Variants in CCDC63 observed in about 807,000 individuals in gnomAD.
CCDC63 encodes the protein coiled-coil domain-containing protein 63.
A neutral mutation model predicts 63.6 loss-of-function variants in CCDC63; 54 were observed. The ratio of observed to expected loss-of-function variants is 0.85; its 90% CI spans 0.68 to 1.07. CCDC63 has a LOEUF of 1.07. Ranked by LOEUF, CCDC63 falls within the 50% of genes least tolerant of loss-of-function variation. The pLI is 0.00. For synonymous variants in CCDC63, 253 were observed against 266.1 expected (o/e 0.95, Z 0.48); for missense variants, 637 against 689.6 (o/e 0.92, Z 0.86).
At chr12:110,864,419 G>A (rs2070909225) in intron 4 of CCDC63, among the ~76,000 whole-genome samples, 1 of 133,452 alleles carries the variant, frequency 7.5e-6, no homozygotes, top group Admixed American at 7.6e-5. Flanking sequence ...GCGAGACCCT[G>A]TCTTAAAAAA....
intron 5 of CCDC63, among the ~76,000 whole-genome samples, chr12:110,879,592 A>ATTATTTC (rs1407758215): frequency 2.0e-5 from 3 of 152,150 alleles, no homozygotes; most frequent in Non-Finnish European, 4.4e-5. Context: ...AGTTTGGCTG[A>ATTATTTC]TTATTTCCTA....
At chr12:110,892,420 T>G (rs944626787) in intron 8 of CCDC63, among the ~76,000 whole-genome samples, 11 of 150,326 alleles carry the variant, frequency 7.3e-5, no homozygotes, top group East Asian at 2.0e-4. Context: ...TCTATAAAAA[T>G]AAAAAAAGAA....
chr12:110,895,104 A>T (rs888066054), intron 9 of CCDC63, among the ~76,000 whole-genome samples: 5 of 149,802 alleles, frequency 3.3e-5, no homozygotes, highest in Non-Finnish European at 3.0e-5. Context: ...TTTATTTTTT[A>T]ATTTTAATTA....
At chr12:110,879,087 T>G (rs1566128246) in intron 5 of CCDC63, among the ~76,000 whole-genome samples, 1 of 152,218 alleles carries the variant, frequency 6.6e-6, no homozygotes, top group Non-Finnish European at 1.5e-5. Flanking sequence ...TTTGCATATT[T>G]TAAAATTAAA....
intron 4 of CCDC63, among the ~76,000 whole-genome samples, chr12:110,869,154 G>C (rs2071029278): frequency 6.6e-6 from 1 of 152,194 alleles, no homozygotes; most frequent in South Asian, 2.1e-4. Flanking sequence ...GCTCTGCACG[G>C]GGCCCCTGAT....
At position 110,905,876 on chromosome 12, in the gene CCDC63, G is replaced by A. The variant is rs2071554230; in HGVS notation, c.1546+1085G>A. On this transcript the variant is annotated intron_variant, in intron 11 of 11. Coordinates refer to ENST00000308208, the MANE Select transcript of CCDC63 (RefSeq NM_152591.3). The stretch of plus-strand genomic sequence containing the variant: ...TGTGTGTGTATGTGTATATATGTGT[G>A]TGTGTATATATATAATATTATATAT... Among the ~76,000 whole-genome samples, 9 of 28,260 alleles carry A rather than the reference G, an allele frequency of 3.2e-4. No homozygotes were observed. The South Asian group carries it at 1.0e-2, about 31-fold the overall frequency. 18.5% of individuals were successfully genotyped at this position (28,260 alleles called of 152,430 possible).
At chr12:110,902,865 C>G (rs2071506302) in intron 10 of CCDC63, among the ~76,000 whole-genome samples, 1 of 149,656 alleles carries the variant, frequency 6.7e-6, no homozygotes, top group African/African-American at 2.5e-5. Context: ...TTACAGGTGC[C>G]CGACACCACG....
chr12:110,860,316 G>C (rs7294551), intron 4 of CCDC63, among the ~76,000 whole-genome samples: 86,543 of 151,994 alleles, frequency 0.57, 25,678 homozygotes, highest in Admixed American at 0.66. Flanking sequence ...GGGATCCCAT[G>C]GCTCCCCACA....
At position 110,880,279 on chromosome 12, in the gene CCDC63, C is replaced by G. The variant is rs565657794; in HGVS notation, c.671+192C>G. 2.0e-5 allele frequency among the ~76,000 whole-genome samples: 3 copies of G among 152,276 alleles called. No homozygotes were observed. The East Asian group carries it at 5.8e-4, about 29-fold the overall frequency. On this transcript the variant is annotated intron_variant, in intron 6 of 11. Transcript: ENST00000308208. ...TACTCTGGTGGGTATTGTTTTAACTCTCACAACTGCCCTAGGAATTATTAT... is the reference window on the plus strand; with the variant it reads ...TACTCTGGTGGGTATTGTTTTAACTGTCACAACTGCCCTAGGAATTATTAT...
At chr12:110,881,382 CAA>C (rs564154311) in intron 7 of CCDC63, 86 bp downstream of exon 7, 132 of 1,351,056 alleles carry the variant, frequency 9.8e-5, no homozygotes, top group Admixed American at 1.7e-4. Context: ...TGAAGGTGCC[CAA>C]GTCTCCTTGT....
intron 10 of CCDC63, among the ~76,000 whole-genome samples, chr12:110,902,884 ATT>A (rs71083163): frequency 9.6e-5 from 13 of 135,480 alleles, no homozygotes; most frequent in Admixed American, 7.4e-5. Flanking sequence ...CGCCCGGCTA[ATT>A]TTTTTTTTTT....
At chr12:110,902,806 C>T (rs193124402) in intron 10 of CCDC63, among the ~76,000 whole-genome samples, 154 of 152,170 alleles carry the variant, frequency 1.0e-3, no homozygotes, top group Middle Eastern at 6.8e-3. Flanking sequence ...CAACCTCTTC[C>T]TCCCAGGTTC....
intron 10 of CCDC63, among the ~76,000 whole-genome samples, chr12:110,902,884 A>ATTT (rs71083163): frequency 7.4e-6 from 1 of 135,482 alleles, no homozygotes; most frequent in East Asian, 2.2e-4. Context: ...CGCCCGGCTA[A>ATTT]TTTTTTTTTT....
chr12:110,889,792 G>C lies in CCDC63; in HGVS notation c.1075-3284G>C, dbSNP rs1003646131. On this transcript the variant is annotated intron_variant, in intron 8 of 11. Coordinates refer to ENST00000308208, the MANE Select transcript of CCDC63 (RefSeq NM_152591.3). This position sits in a 1 kb window ranked among gnomAD's most constrained non-coding sequence, Gnocchi z 4.1. ...AATCCCATCACCTGGATATGGCATT[G>C]GTTCATCTTTTTGGTAGAGATCCCC... is the stretch of plus-strand genomic sequence containing the variant. 6.6e-6 allele frequency among the ~76,000 whole-genome samples: 1 copy of C among 152,100 alleles called. No individual in the cohort carries two copies.
At chr12:110,892,245 A>G (rs2071366171) in intron 8 of CCDC63, among the ~76,000 whole-genome samples, 1 of 152,098 alleles carries the variant, frequency 6.6e-6, no homozygotes, top group South Asian at 2.1e-4. Flanking sequence ...AGTTACATTA[A>G]CTGAAATTAA....
At chr12:110,849,729 C>A (rs2070682778) in intron 1 of CCDC63, among the ~76,000 whole-genome samples, 1 of 152,096 alleles carries the variant, frequency 6.6e-6, no homozygotes, top group Non-Finnish European at 1.5e-5. Flanking sequence ...AGTCTCCTGA[C>A]CCCAAGTGAT....
In CCDC63 at chr12:110,904,574, T is replaced by C. The variant is rs751309160; in HGVS notation, c.1343-14T>C. Reference sequence around the variant, plus strand: ...CTCTCGGCAGCCATCTTGGTCCTGCTTCTTGTTCTCCAGCCATCATTGAAA... The same window carrying C: ...CTCTCGGCAGCCATCTTGGTCCTGCCTCTTGTTCTCCAGCCATCATTGAAA... On this transcript the variant is annotated splice_polypyrimidine_tract_variant and intron_variant, in intron 10 of 11. Transcript: ENST00000308208. 1.9e-6 allele frequency: 3 copies of C among 1,613,734 alleles called. No homozygotes were observed. The highest frequency in any genetic ancestry group is 2.5e-6 in the Non-Finnish European group (3 of 1,179,828).
chr12:110,904,849 T>C, intron 11 of CCDC63, 58 bp downstream of exon 11: 1 of 1,401,874 alleles, frequency 7.1e-7, no homozygotes, highest in Non-Finnish European at 9.7e-7. Flanking sequence ...CCTTCAGGTC[T>C]GGGGAGACCG....
At chr12:110,866,974 G>A (rs1463165728) in intron 4 of CCDC63, among the ~76,000 whole-genome samples, 44 of 135,482 alleles carry the variant, frequency 3.2e-4, no homozygotes, top group South Asian at 9.7e-4. Context: ...CCTCCCGGAC[G>A]GGGCGGCTGG....
Sources: allele counts gnomAD v4.1 joint callset (sites outside exome capture counted in the v4.1 genomes callset), GRCh38; gene constraint gnomAD v4.1.1; non-coding constraint Gnocchi (gnomAD v3.1); transcripts MANE v1.5; gene names NCBI Gene and HGNC (gene_info 2026-07-23, HGNC 2026-07-21).